FAT1: variants seen among roughly 807,000 people sequenced by gnomAD.
FAT1 encodes protocadherin Fat 1.
A neutral mutation model predicts 329.8 loss-of-function variants in FAT1; 171 were observed. The ratio of observed to expected loss-of-function variants is 0.52; its 90% CI spans 0.46 to 0.59. FAT1 has a LOEUF of 0.59. Ranked by LOEUF, FAT1 falls within the 20% of genes least tolerant of loss-of-function variation. The pLI is 0.00. For missense variants in FAT1, 5,672 were observed against 5,774.4 expected, an observed-to-expected ratio of 0.98 and a Z score of 0.57; for synonymous variants, 2,233 against 2,228.6, an observed-to-expected ratio of 1.00 and a Z score of -0.06.
chr4:186,724,162 A>T (rs1339366547), upstream of FAT1, among the ~76,000 whole-genome samples: 2 of 141,412 alleles, frequency 1.4e-5, no homozygotes, highest in Non-Finnish European at 3.0e-5. This position sits in a 1 kb window ranked among gnomAD's most constrained non-coding sequence, Gnocchi z 5.3. Context: ...CCCTGCCAAG[A>T]AAGGGAAACG....
rs920931650 is a variant in FAT1, at chr4:186,587,870, T to G, written c.*722A>C. On this transcript the variant is annotated 3_prime_UTR_variant, in exon 27 of 27. Coordinates refer to ENST00000441802, the MANE Select transcript of FAT1 (RefSeq NM_005245.4). Reference sequence around the variant, plus strand: ...TCATTAAAAACCTTTACAAGACCATTGCATCACAAATATACAGACACTATA... The same window carrying G: ...TCATTAAAAACCTTTACAAGACCATGGCATCACAAATATACAGACACTATA... 1 of 213,836 alleles carries G rather than the reference T, an allele frequency of 4.7e-6. No homozygotes were observed. Among genetic ancestry groups the G allele is most frequent in the African/African-American group, 2.3e-5 (1 of 44,168 alleles). 13.2% of individuals were successfully genotyped at this position (213,836 alleles called of 1,614,324 possible).
At chr4:186,724,504 G>C (rs894308390), upstream of FAT1, among the ~76,000 whole-genome samples, 2 of 152,194 alleles carry the variant, frequency 1.3e-5, no homozygotes, top group African/African-American at 4.8e-5. This position sits in a 1 kb window ranked among gnomAD's most constrained non-coding sequence, Gnocchi z 5.3. Flanking sequence ...CCAGGCCTGT[G>C]GGACAAAAGG....
In FAT1 at chr4:186,619,060, G is replaced by T. The variant is rs1420663657; in HGVS notation, c.7526C>A (p.Thr2509Asn). 1 of 1,613,876 alleles carries T rather than the reference G, an allele frequency of 6.2e-7. No individual in the cohort carries two copies. The highest frequency in any genetic ancestry group is 1.1e-5 in the South Asian group (1 of 91,080). Residue 2509 changes from threonine (T) to asparagine (N), a missense_variant, in exon 10 of 27, where the codon ACC becomes AAC. This residue lies in a region of FAT1 where 3,966 missense variants were observed against 3,915.2 expected (regional missense o/e 1.01). Transcript: ENST00000441802. ...CGTAGTTTTCACCTCCATCACCAGGGTATGTAGGGGAGCGTTTTCAGCTAG... is the reference window on the plus strand; with the variant it reads ...CGTAGTTTTCACCTCCATCACCAGGTTATGTAGGGGAGCGTTTTCAGCTAG... ...VELAENAPLHTLVMEVKTTDG... is the reference protein window; with the variant it reads ...VELAENAPLHNLVMEVKTTDG...
chr4:186,610,377 G>T (rs1739346663), intron 14 of FAT1, among the ~76,000 whole-genome samples: 1 of 151,520 alleles, frequency 6.6e-6, no homozygotes, highest in Non-Finnish European at 1.5e-5. Flanking sequence ...AAATTCTATT[G>T]TGTCTTTCGG....
At chr4:186,660,397 A>G (rs930946036) in intron 3 of FAT1, among the ~76,000 whole-genome samples, 3 of 152,218 alleles carry the variant, frequency 2.0e-5, no homozygotes, top group African/African-American at 7.2e-5. Context: ...TCCATGCTAA[A>G]ATACTGTTCT....
Position 186,663,300 on chromosome 4 carries a change from T to G in FAT1, c.3579A>C (p.Thr1193=), listed in dbSNP as rs748793425. The stretch of plus-strand genomic sequence containing the variant: ...TCCTATAGCAGTATTAACACATACC[T>G]GTTTTAGGATGTATTGAAAAGAATC... ...PQGFFSIHPK[T]GLITTTSRKL... Residue 1193 remains threonine, a splice_region_variant and synonymous_variant, in exon 3 of 27, where the codon ACA becomes ACC. Coordinates refer to ENST00000441802, the MANE Select transcript of FAT1 (RefSeq NM_005245.4). The G allele has an allele frequency of 1.2e-6, 2 of 1,608,044 alleles. No individual in the cohort carries two copies. Among genetic ancestry groups the G allele is most frequent in the Admixed American group, 3.4e-5 (2 of 59,260 alleles).
rs2126565453 is a variant in FAT1, at chr4:186,636,918, T to G, written c.3643-4A>C. 2 of 1,589,388 alleles carry G rather than the reference T, an allele frequency of 1.3e-6. No individual in the cohort carries two copies. The highest frequency in any genetic ancestry group is 1.7e-6 in the Non-Finnish European group (2 of 1,170,782). ...TACCATTGTCTGTCACAGTAACCTG[T>G]TTTTTTAAAGTTAACAGATTAACAT... On this transcript the variant is annotated splice_polypyrimidine_tract_variant and splice_region_variant and intron_variant, in intron 4 of 26. Coordinates refer to ENST00000441802, the MANE Select transcript of FAT1 (RefSeq NM_005245.4).
rs1349023095 is a variant in FAT1 at position 186,619,767 on chromosome 4, T to C, written c.6819A>G (p.Val2273=). The change falls in exon 10 of 27, where the codon GTA becomes GTG. Residue 2273 remains valine, a synonymous_variant. Transcript: ENST00000441802. Reference sequence around the variant, plus strand: ...CAGGAGGGTTATCATTGATGTCGTCTACTATGATGTCCACAAATACTTCAG... The same window carrying C: ...CAGGAGGGTTATCATTGATGTCGTCCACTATGATGTCCACAAATACTTCAG... ...AHAEVFVDII[V]DDINDNPPVF... is the part of the protein sequence containing the mutation. 6.2e-7 allele frequency: 1 copy of C among 1,614,064 alleles called. No individual in the cohort carries two copies. Among genetic ancestry groups the C allele is most frequent in the East Asian group, 2.2e-5 (1 of 44,884 alleles).
Position 186,600,347 on chromosome 4 carries a change from C to T in FAT1, c.11654G>A (p.Arg3885Lys), listed in dbSNP as rs758547448. ...TCCACAGTCAAACTTGTACTGCAGC[C>T]TTCCATGATGAATCTAGGATAAAAG... Reference protein sequence around the residue: ...DYSILEIHHGRLQYKFDCGSG... With the variant: ...DYSILEIHHGKLQYKFDCGSG... The change falls in exon 22 of 27, where the codon AGG (arginine) becomes AAG (lysine). Residue 3885 changes from arginine (R) to lysine (K), a missense_variant. By Grantham distance (26) the Arg-to-Lys change is conservative. Transcript: ENST00000441802. The T allele has an allele frequency of 4.7e-5, 76 of 1,611,306 alleles. No homozygotes were observed. The highest frequency in any genetic ancestry group is 6.3e-5 in the Non-Finnish European group (74 of 1,178,582).
rs114890091 is a variant in FAT1, at chr4:186,602,159, A to T, written c.11483-733T>A. ...TAATTAGATATCACTTCACACCCAT[A>T]AAATAGATGGTGGGGAATTTGTTTT... On this transcript the variant is annotated intron_variant, in intron 20 of 26. Transcript: ENST00000441802. Among the ~76,000 whole-genome samples the T allele has an allele frequency of 4.7e-4, 72 of 152,340 alleles. 1 individual carries two copies. Among genetic ancestry groups the T allele is most frequent in the Non-Finnish European group, 9.1e-4 (62 of 68,020 alleles).
At chr4:186,629,174 G>A (rs998528767) in intron 7 of FAT1, among the ~76,000 whole-genome samples, 1 of 152,160 alleles carries the variant, frequency 6.6e-6, no homozygotes, top group Non-Finnish European at 1.5e-5. Flanking sequence ...CCAACCCACT[G>A]AGGTAAGACA....
rs200611830 is a variant in FAT1 at position 186,598,072 on chromosome 4, C to T, written c.12157G>A (p.Val4053Ile). 4.2e-5 allele frequency: 68 copies of T among 1,613,864 alleles called. No individual in the cohort carries two copies. The African/African-American group carries it at 4.3e-4, about 10-fold the overall frequency. ...LYIGTHCEIS[V>I]NPCSSKPCLY... ...CATGGCTTGGAGGAACACGGATTGA[C>T]GCTTATCTCACAGTGGGTCCCTATG... Residue 4053 changes from valine (V) to isoleucine (I), a missense_variant, in exon 23 of 27, where the codon GTC (valine) becomes ATC (isoleucine). By Grantham distance (29) the Val-to-Ile change is conservative. Coordinates refer to ENST00000441802, the MANE Select transcript of FAT1 (RefSeq NM_005245.4).
At position 186,604,392 on chromosome 4, in the gene FAT1, G is replaced by C. The variant is rs2126438004; in HGVS notation, c.10533C>G (p.Tyr3511Ter). 1 of 1,613,442 alleles carries C rather than the reference G, an allele frequency of 6.2e-7. No individual in the cohort carries two copies. The change falls in exon 18 of 27, where the codon TAC (tyrosine) becomes TAG (stop). Residue 3511 changes from tyrosine to a stop codon, truncating the protein, a stop_gained. Coordinates refer to ENST00000441802, the MANE Select transcript of FAT1 (RefSeq NM_005245.4). LOFTEE classifies it high-confidence loss of function. ...CCATTCATACCTTCACCTGCAGTAA[G>C]TAATGATCTTTCTCCTTCCTCTTGA... ...SAIKRKEKDH[Y>*]LLQVKVADNG...
At position 186,613,012 on chromosome 4, in the gene FAT1, G is replaced by A; in HGVS notation, c.9463+97C>T. 3 of 713,916 alleles carry A rather than the reference G, an allele frequency of 4.2e-6. No individual in the cohort carries two copies. In the South Asian group the frequency reaches 4.9e-5, roughly 12 times the overall value. The allele number at this position is 713,916 out of a possible 1,614,324, so 44.2% of individuals were successfully genotyped here. ...AGGGCTATGGAACATGCATGAGGTG[G>A]AGTGAGTGGCACAGGCTGAATCTGG... On this transcript the variant is annotated intron_variant, in intron 13 of 26. Coordinates refer to ENST00000441802, the MANE Select transcript of FAT1 (RefSeq NM_005245.4).
chr4:186,645,381 ATATATATATATAT>A (rs1741308841), intron 3 of FAT1, among the ~76,000 whole-genome samples: 1 of 52,036 alleles, frequency 1.9e-5, no homozygotes, highest in Admixed American at 1.6e-4. Flanking sequence ...ATATATATAT[ATATATATATATAT>A]ATATATATAT....
chr4:186,662,906 G>T (rs567780505), intron 3 of FAT1, among the ~76,000 whole-genome samples: 1 of 151,440 alleles, frequency 6.6e-6, no homozygotes, highest in Non-Finnish European at 1.5e-5. Flanking sequence ...GCACCATCTC[G>T]GCTCACTGCA....
intron 3 of FAT1, among the ~76,000 whole-genome samples, chr4:186,651,944 C>G (rs941335920): frequency 2.6e-5 from 4 of 152,148 alleles, no homozygotes; most frequent in African/African-American, 4.8e-5. Context: ...CAGGATTAGG[C>G]GTGGAGCCAA....
chr4:186,631,744 T>C (rs1243908184), intron 7 of FAT1, among the ~76,000 whole-genome samples: 105 of 124,268 alleles, frequency 8.4e-4, no homozygotes, highest in Admixed American at 1.2e-3. Flanking sequence ...CTCCTCTGCT[T>C]TTCAATCCAT....
Position 186,620,525 on chromosome 4 carries a change from G to C in FAT1, c.6061C>G (p.Arg2021Gly), listed in dbSNP as rs185406112. Reference sequence around the variant, plus strand: ...GAAGTGCGGCTTATTTTAAATCTGCGATCTGGGTTGAGGATGTGATAAAAC... The same window carrying C: ...GAAGTGCGGCTTATTTTAAATCTGCCATCTGGGTTGAGGATGTGATAAAAC... ...PLFYHILNPD[R>G]RFKISRTSGV... The change falls in exon 10 of 27, where the codon CGC becomes GGC. Residue 2021 changes from arginine to glycine, a missense_variant. Arg to Gly is a moderately radical substitution (Grantham distance 125, BLOSUM62 -2). Transcript: ENST00000441802. 6.2e-6 allele frequency: 10 copies of C among 1,613,850 alleles called. No homozygotes were observed. Among genetic ancestry groups the C allele is most frequent in the Non-Finnish European group, 6.8e-6 (8 of 1,179,906 alleles).
Sources: gnomAD v4.1 joint callset for allele counts (sites outside exome capture counted in the v4.1 genomes callset) on GRCh38, gnomAD v4.1.1 for gene constraint, gnomAD v4.1.1 regional missense constraint, Gnocchi (gnomAD v3.1) non-coding constraint, MANE v1.5 for transcripts, NCBI Gene and HGNC (gene_info 2026-07-23, HGNC 2026-07-21) for gene names.